COMMD10: variants seen among roughly 807,000 people sequenced by gnomAD.
The protein encoded by COMMD10 is COMM domain-containing protein 10.
In COMMD10, 33 loss-of-function variants were observed where a neutral mutation model predicts 28.9. The ratio of observed to expected loss-of-function variants is 1.14; its 90% CI spans 0.87 to 1.53. COMMD10 has a LOEUF of 1.53. Ranked by LOEUF, COMMD10 falls within the 40% of genes most tolerant of loss-of-function variation. COMMD10 has a pLI of 0.00. For missense variants in COMMD10, 310 were observed against 233.4 expected (o/e 1.33, Z -2.14); for synonymous variants, 110 against 81.7 (o/e 1.35, Z -1.87).
Position 116,279,384 on chromosome 5 carries a change from T to C in COMMD10, c.511-12133T>C, listed in dbSNP as rs1172589028. Among the ~76,000 whole-genome samples the C allele has an allele frequency of 2.6e-5, 4 of 152,050 alleles. 1 individual carries two copies. Among genetic ancestry groups the C allele is most frequent in the African/African-American group, 4.8e-5 (2 of 41,340 alleles). On this transcript the variant is annotated intron_variant, in intron 5 of 6. Transcript: ENST00000274458. The stretch of plus-strand genomic sequence containing the variant: ...TGATTTAACACTGGGAAAATGCCTT[T>C]TGTTGTGTATTCCATGTATTTGTTG...
intron 5 of COMMD10, among the ~76,000 whole-genome samples, chr5:116,202,165 C>A (rs1458525482): frequency 1.3e-5 from 2 of 151,576 alleles, no homozygotes; most frequent in African/African-American, 4.8e-5. Context: ...CGATAGTTTA[C>A]TGAGAATGAT....
rs549268114 is a variant in COMMD10, at chr5:116,249,238, T to G, written c.511-42279T>G. On this transcript the variant is annotated intron_variant, in intron 5 of 6. Coordinates refer to ENST00000274458, the MANE Select transcript of COMMD10 (RefSeq NM_016144.4). ...CTTTTCATTGAAATATTCTTTAATTTTGTTTTATGACAGGATTGAGGTATG... is the reference window on the plus strand; with the variant it reads ...CTTTTCATTGAAATATTCTTTAATTGTGTTTTATGACAGGATTGAGGTATG... Among the ~76,000 whole-genome samples the G allele has an allele frequency of 1.5e-4, 23 of 152,070 alleles. 1 individual carries two copies. The highest frequency in any genetic ancestry group is 5.5e-4 in the African/African-American group (23 of 41,534).
chr5:116,282,310 A>G (rs937141805), intron 5 of COMMD10, among the ~76,000 whole-genome samples: 1 of 151,900 alleles, frequency 6.6e-6, no homozygotes. Flanking sequence ...TGCTGCCATC[A>G]CATTTGATCA....
At chr5:116,228,125 C>T (rs17139203) in intron 5 of COMMD10, among the ~76,000 whole-genome samples, 2,291 of 152,084 alleles carry the variant, frequency 0.015, 57 homozygotes, top group African/African-American at 0.048. Context: ...ACTTTGGCCT[C>T]ATTCCTGCTT....
intron 5 of COMMD10, among the ~76,000 whole-genome samples, chr5:116,244,169 G>T (rs1749882395): frequency 1.6e-5 from 1 of 64,100 alleles, no homozygotes; most frequent in African/African-American, 2.7e-4. Context: ...AGAAAATATA[G>T]GTTGAGGTAG....
intron 1 of COMMD10, among the ~76,000 whole-genome samples, chr5:116,086,746 CA>C (rs751001200): frequency 1.2e-4 from 19 of 152,104 alleles, no homozygotes; most frequent in Non-Finnish European, 2.2e-4. Context: ...AGGGGTGAGC[CA>C]CTGCAGGACT....
chr5:116,098,612 A>G (rs2136212), intron 4 of COMMD10, among the ~76,000 whole-genome samples: 136,722 of 152,210 alleles, frequency 0.9, 61,555 homozygotes, highest in African/African-American at 0.94. Flanking sequence ...ATATGTGTAG[A>G]TTATATTTAA....
At chr5:116,225,832 T>C (rs1749381780) in intron 5 of COMMD10, among the ~76,000 whole-genome samples, 1 of 152,108 alleles carries the variant, frequency 6.6e-6, no homozygotes, top group African/African-American at 2.4e-5. Flanking sequence ...CTCTTCCTGC[T>C]TTTTCACTAG....
chr5:116,212,419 G>C (rs1275806991), intron 5 of COMMD10, among the ~76,000 whole-genome samples: 2 of 151,746 alleles, frequency 1.3e-5, no homozygotes, highest in Admixed American at 1.3e-4. Flanking sequence ...GCAGAGGATT[G>C]GGGCTTTTTG....
At chr5:116,176,843 T>C (rs1561649892) in intron 5 of COMMD10, among the ~76,000 whole-genome samples, 1 of 152,152 alleles carries the variant, frequency 6.6e-6, no homozygotes, top group Non-Finnish European at 1.5e-5. Flanking sequence ...ATTAGAAAGC[T>C]ATGATACGTG....
intron 5 of COMMD10, among the ~76,000 whole-genome samples, chr5:116,150,088 C>T (rs1042164529): frequency 1.3e-4 from 19 of 152,000 alleles, no homozygotes; most frequent in African/African-American, 2.7e-4. Flanking sequence ...TAGCCAGTTT[C>T]CCCAGCACCA....
At chr5:116,154,292 TTGA>T (rs1752633375) in intron 5 of COMMD10, among the ~76,000 whole-genome samples, 1 of 152,170 alleles carries the variant, frequency 6.6e-6, no homozygotes, top group South Asian at 2.1e-4. Flanking sequence ...TATTGTTTAA[TTGA>T]TGATGAGATA....
chr5:116,270,869 G>A (rs1198444519), intron 5 of COMMD10, among the ~76,000 whole-genome samples: 2 of 150,428 alleles, frequency 1.3e-5, no homozygotes, highest in African/African-American at 4.9e-5. Context: ...TACCTGGGAG[G>A]TGGAGGTTGC....
In COMMD10 at chr5:116,264,130, T is replaced by G. The variant is rs986912946; in HGVS notation, c.511-27387T>G. 9.2e-5 allele frequency among the ~76,000 whole-genome samples: 14 copies of G among 151,740 alleles called. 1 individual carries two copies. The highest frequency in any genetic ancestry group is 3.4e-4 in the African/African-American group (14 of 41,106). ...GAGTGGCCCCTAAATCAAGTCAAAC[T>G]CTTCTGTTTCCCAACTACCTCTTGC... On this transcript the variant is annotated intron_variant, in intron 5 of 6. Transcript: ENST00000274458.
At chr5:116,137,253 T>A (rs1752050326) in intron 5 of COMMD10, among the ~76,000 whole-genome samples, 1 of 152,048 alleles carries the variant, frequency 6.6e-6, no homozygotes, top group African/African-American at 2.4e-5. Flanking sequence ...CTTTCAAATA[T>A]TTACAAATAT....
chr5:116,109,746 C>T (rs949201826), intron 4 of COMMD10, among the ~76,000 whole-genome samples: 2 of 152,182 alleles, frequency 1.3e-5, no homozygotes, highest in Non-Finnish European at 2.9e-5. Context: ...TGCAGCTTTA[C>T]TACATTCATT....
chr5:116,217,017 T>A (rs925969271), intron 5 of COMMD10, among the ~76,000 whole-genome samples: 1 of 152,088 alleles, frequency 6.6e-6, no homozygotes, highest in African/African-American at 2.4e-5. Context: ...TGAAGATACT[T>A]TTGAGTAGAC....
chr5:116,134,244 G>T, intron 5 of COMMD10, 66 bp downstream of exon 5: 1 of 849,422 alleles, frequency 1.2e-6, no homozygotes. Context: ...TTTATTCTTA[G>T]CAGTCTTTGC....
At chr5:116,210,709 A>G (rs141989982) in intron 5 of COMMD10, among the ~76,000 whole-genome samples, 132 of 152,132 alleles carry the variant, frequency 8.7e-4, no homozygotes, top group African/African-American at 2.9e-3. Flanking sequence ...ACTTCTTACT[A>G]CCTTTATCAC....
Sources: gnomAD v4.1 joint callset for allele counts (sites outside exome capture counted in the v4.1 genomes callset) on GRCh38, gnomAD v4.1.1 for gene constraint, MANE v1.5 for transcripts, NCBI Gene and HGNC (gene_info 2026-07-23, HGNC 2026-07-21) for gene names.